Variants in PCAT7 observed in about 807,000 individuals in gnomAD.
PCAT7 encodes the protein prostate cancer associated transcript 7, also known as prostate cancer associated transcript 7 (non-protein coding).
At chr9:94,554,718 G>T (rs148295908), upstream of PCAT7, among the ~76,000 whole-genome samples, 301 of 152,296 alleles carry the variant, frequency 2.0e-3, no homozygotes, top group African/African-American at 7.1e-3. Flanking sequence ...AGAAGCTCTC[G>T]CTGCTAGCCT....
chr9:94,562,030 C>T (rs543006963), intron 2 of PCAT7, among the ~76,000 whole-genome samples: 54 of 152,074 alleles, frequency 3.6e-4, no homozygotes, highest in African/African-American at 1.2e-3. Flanking sequence ...TCCATGTCTT[C>T]GCCGGGCGCT....
At chr9:94,562,635 C>T (rs1019018431) in intron 2 of PCAT7, among the ~76,000 whole-genome samples, 2 of 152,136 alleles carry the variant, frequency 1.3e-5, no homozygotes, top group South Asian at 2.1e-4. Flanking sequence ...TCAGAGAAAA[C>T]AGAGGCCTTT....
At chr9:94,566,908 AATT>A (rs1363042941) in intron 2 of PCAT7, among the ~76,000 whole-genome samples, 1 of 152,128 alleles carries the variant, frequency 6.6e-6, no homozygotes, top group Admixed American at 6.6e-5. Context: ...CCTCTCATAT[AATT>A]ATTTATTCTA....
At chr9:94,568,754 T>A (rs1265746341) in intron 2 of PCAT7, 1 of 152,210 alleles carries the variant, frequency 6.6e-6, no homozygotes, top group Non-Finnish European at 1.5e-5. Context: ...CTTTCCTGCC[T>A]AACATGAGTG....
intron 2 of PCAT7, chr9:94,563,232 C>A (rs983293160): frequency 1.6e-6 from 2 of 1,264,876 alleles, no homozygotes; most frequent in African/African-American, 3.0e-5. Flanking sequence ...CTGCCCATCC[C>A]CACACAGACA....
At chr9:94,567,012 T>G (rs1827199152) in intron 2 of PCAT7, among the ~76,000 whole-genome samples, 1 of 152,194 alleles carries the variant, frequency 6.6e-6, no homozygotes, top group African/African-American at 2.4e-5. Flanking sequence ...TTTGTAAATG[T>G]GATCTCTGCC....
chr9:94,565,142 G>T (rs778750843), intron 2 of PCAT7, among the ~76,000 whole-genome samples: 2 of 152,176 alleles, frequency 1.3e-5, no homozygotes, highest in African/African-American at 2.4e-5. Context: ...GGGAGGCCAA[G>T]GCAGGTGGAT....
intron 3 of PCAT7, among the ~76,000 whole-genome samples, chr9:94,573,558 T>A (rs186823119): frequency 6.6e-6 from 1 of 152,214 alleles, no homozygotes; most frequent in Non-Finnish European, 1.5e-5. Context: ...TTTGTTCAAA[T>A]GTTTTTTCTC....
intron 2 of PCAT7, chr9:94,567,624 A>C: frequency 1.9e-6 from 1 of 514,674 alleles, no homozygotes; most frequent in South Asian, 3.3e-5. Context: ...GTAACACAGC[A>C]AGCAGGAAGA....
chr9:94,572,978 G>C (rs1414505799), intron 2 of PCAT7: 1 of 152,050 alleles, frequency 6.6e-6, no homozygotes, highest in African/African-American at 2.4e-5. Flanking sequence ...TCTGTTTGTA[G>C]GTTCCTTGGG....
intron 2 of PCAT7, chr9:94,559,168 A>G (rs749434737): frequency 6.3e-7 from 1 of 1,580,752 alleles, no homozygotes; most frequent in Non-Finnish European, 8.7e-7. Flanking sequence ...TAAACTCTGC[A>G]AGTGGCCAAA....
chr9:94,567,256 C>G, intron 2 of PCAT7: 1 of 1,613,992 alleles, frequency 6.2e-7, no homozygotes, highest in Non-Finnish European at 8.5e-7. Flanking sequence ...ACCCACCTGG[C>G]TTTCTTCACT....
At chr9:94,562,725 T>C (rs1564179437) in intron 2 of PCAT7, among the ~76,000 whole-genome samples, 1 of 152,204 alleles carries the variant, frequency 6.6e-6, no homozygotes, top group East Asian at 1.9e-4. Context: ...CTCTGCAAGA[T>C]AGCTGGATCA....
chr9:94,558,882 A>G (rs1420692074), intron 1 of PCAT7: 3 of 1,504,296 alleles, frequency 2.0e-6, no homozygotes, highest in Non-Finnish European at 2.8e-6. Flanking sequence ...TCGTTCATTT[A>G]GGGTCCTTAG....
intron 2 of PCAT7, among the ~76,000 whole-genome samples, chr9:94,565,799 G>A (rs1827180631): frequency 2.0e-5 from 3 of 151,280 alleles, no homozygotes; most frequent in Non-Finnish European, 2.9e-5. Context: ...TGATAGATAG[G>A]TGAGAGTGAG....
rs542728090 is a variant in PCAT7, at chr9:94,564,151, A to G, written n.441+4999A>G. ...AATGGATCTGTTAGACATCTATAGAACTCTCCACCCAAAACCAGAAAAATA... is the reference window on the plus strand; with the variant it reads ...AATGGATCTGTTAGACATCTATAGAGCTCTCCACCCAAAACCAGAAAAATA... On this transcript the variant is annotated intron_variant and non_coding_transcript_variant, in intron 2 of 8. Coordinates refer to ENST00000647389, the Ensembl canonical transcript of PCAT7. Among the ~76,000 whole-genome samples, 11 of 152,248 alleles carry G rather than the reference A, an allele frequency of 7.2e-5. No homozygotes were observed. In the South Asian group the frequency reaches 1.7e-3, roughly 23 times the overall value.
chr9:94,554,872 C>T (rs1773214649), upstream of PCAT7, among the ~76,000 whole-genome samples: 1 of 152,192 alleles, frequency 6.6e-6, no homozygotes, highest in African/African-American at 2.4e-5. Flanking sequence ...CCCACACCCA[C>T]ACATAAGTGC....
chr9:94,573,215 T>G (rs949712925), intron 3 of PCAT7, among the ~76,000 whole-genome samples: 1 of 152,202 alleles, frequency 6.6e-6, no homozygotes, highest in Non-Finnish European at 1.5e-5. Flanking sequence ...GTAGATGTAC[T>G]TGATAGAGTT....
At chr9:94,555,845 G>A (rs570807373) in intron 1 of PCAT7, among the ~76,000 whole-genome samples, 1 of 151,950 alleles carries the variant, frequency 6.6e-6, no homozygotes, top group South Asian at 2.1e-4. Flanking sequence ...AGGGTGGCGA[G>A]AGGGAGCAGG....
Sources: allele counts gnomAD v4.1 joint callset (sites outside exome capture counted in the v4.1 genomes callset), GRCh38; gene constraint gnomAD v4.1.1; transcripts MANE v1.5; gene names NCBI Gene and HGNC (gene_info 2026-07-23, HGNC 2026-07-21).